The following SLC24A2 variants were observed in gnomAD, a reference collection of about 807,000 sequenced individuals.
The protein encoded by SLC24A2 is sodium/potassium/calcium exchanger 2.
A neutral mutation model predicts 62.0 loss-of-function variants in SLC24A2; 36 were observed. The observed-to-expected ratio is 0.58, with a 90% CI of 0.44 to 0.77. The LOEUF is 0.77. Among genes scored for constraint, SLC24A2 ranks in the 30% least tolerant of loss-of-function variants. The pLI is 0.00. For synonymous variants in SLC24A2, 358 were observed against 294.0 expected (o/e 1.22, Z -2.23); for missense variants, 846 against 817.9 (o/e 1.03, Z -0.42).
the SLC24A2 span, among the ~76,000 whole-genome samples, chr9:20,248,293 C>T: frequency 6.6e-6 from 1 of 152,102 alleles, no homozygotes; most frequent in Non-Finnish European, 1.5e-5. Context: ...GGCTCAAGGC[C>T]CTAACAGGTA....
At chr9:20,027,183 C>T in the SLC24A2 span, among the ~76,000 whole-genome samples, 1 of 151,826 alleles carries the variant, frequency 6.6e-6, no homozygotes, top group African/African-American at 2.4e-5. Flanking sequence ...GAAAAGAGAA[C>T]CCTTGTACAC....
chr9:19,572,173 T>C (rs982346939), intron 7 of SLC24A2, among the ~76,000 whole-genome samples: 32 of 149,064 alleles, frequency 2.1e-4, no homozygotes, highest in Non-Finnish European at 4.4e-5. Context: ...GGCAGGAGAA[T>C]TGCTTGAACC....
the SLC24A2 span, among the ~76,000 whole-genome samples, chr9:20,015,945 T>G: frequency 2.6e-5 from 4 of 152,346 alleles, no homozygotes; most frequent in South Asian, 8.3e-4. Context: ...GGATCACTAC[T>G]AGATTATCCA....
At chr9:19,669,945 G>A (rs1049486550) in intron 2 of SLC24A2, among the ~76,000 whole-genome samples, 21 of 152,218 alleles carry the variant, frequency 1.4e-4, no homozygotes, top group Non-Finnish European at 1.3e-4. Flanking sequence ...CCCCCACATT[G>A]GAGAACATCC....
the SLC24A2 span, among the ~76,000 whole-genome samples, chr9:20,033,591 A>T: frequency 1.3e-5 from 2 of 152,218 alleles, no homozygotes; most frequent in African/African-American, 4.8e-5. Flanking sequence ...GAAATGCATT[A>T]TAATTTACTA....
chr9:20,112,915 C>T, the SLC24A2 span, among the ~76,000 whole-genome samples: 1 of 151,994 alleles, frequency 6.6e-6, no homozygotes, highest in Admixed American at 6.6e-5. Context: ...CTCTGAACGT[C>T]AGACTAACAA....
At chr9:19,769,379 G>A (rs921920018) in intron 2 of SLC24A2, among the ~76,000 whole-genome samples, 2 of 152,216 alleles carry the variant, frequency 1.3e-5, no homozygotes, top group African/African-American at 4.8e-5. Flanking sequence ...ACCAGTGCCT[G>A]AACATGTGGG....
the SLC24A2 span, among the ~76,000 whole-genome samples, chr9:20,008,795 C>T: frequency 6.6e-6 from 1 of 152,154 alleles, no homozygotes; most frequent in Non-Finnish European, 1.5e-5. Context: ...CTCTACTCTA[C>T]CCCACTGGCA....
At chr9:19,742,804 C>T (rs1157432246) in intron 2 of SLC24A2, among the ~76,000 whole-genome samples, 1 of 152,154 alleles carries the variant, frequency 6.6e-6, no homozygotes. Flanking sequence ...TCAGGAATGT[C>T]TCTCACAGGA....
chr9:19,876,532 G>A, the SLC24A2 span, among the ~76,000 whole-genome samples: 1 of 152,064 alleles, frequency 6.6e-6, no homozygotes, highest in African/African-American at 2.4e-5. Flanking sequence ...AAATTGTGTA[G>A]TTAACCCATT....
intron 7 of SLC24A2, among the ~76,000 whole-genome samples, chr9:19,562,762 A>ATTTCT (rs924026967): frequency 1.3e-5 from 2 of 152,128 alleles, no homozygotes; most frequent in African/African-American, 4.8e-5. Flanking sequence ...ACACTAGTGG[A>ATTTCT]TTTCTTTTTT....
At chr9:20,058,394 A>T in the SLC24A2 span, among the ~76,000 whole-genome samples, 1 of 152,134 alleles carries the variant, frequency 6.6e-6, no homozygotes, top group African/African-American at 2.4e-5. Context: ...ACACAGAGGA[A>T]TAAACCCATA....
rs148278649 is a variant in SLC24A2 at position 19,525,823 on chromosome 9, G to C, written c.1569+2226C>G. Among the ~76,000 whole-genome samples, 369 of 144,810 alleles carry C rather than the reference G, an allele frequency of 2.5e-3. 3 individuals carry two copies. The highest frequency in any genetic ancestry group is 9.4e-3 in the African/African-American group (361 of 38,608). On this transcript the variant is annotated intron_variant, in intron 9 of 10. Transcript: ENST00000341998. Reference sequence around the variant, plus strand: ...CTAGTGGTTGTGAAGTGATATCTTGGATTAGTTTCAAACAAGTTTATTGAG... The same window carrying C: ...CTAGTGGTTGTGAAGTGATATCTTGCATTAGTTTCAAACAAGTTTATTGAG...
chr9:20,056,061 T>C, the SLC24A2 span, among the ~76,000 whole-genome samples: 1 of 152,198 alleles, frequency 6.6e-6, no homozygotes, highest in Non-Finnish European at 1.5e-5. Flanking sequence ...TAACATGTTC[T>C]AGAAGACATC....
the SLC24A2 span, among the ~76,000 whole-genome samples, chr9:19,966,683 T>C: frequency 1.3e-5 from 2 of 152,250 alleles, no homozygotes; most frequent in South Asian, 2.1e-4. Flanking sequence ...GAACATTCTA[T>C]AGGGAAAAAT....
the SLC24A2 span, among the ~76,000 whole-genome samples, chr9:19,855,547 A>C: frequency 6.6e-6 from 1 of 152,140 alleles, no homozygotes; most frequent in African/African-American, 2.4e-5. Flanking sequence ...TTCGCTTATG[A>C]AGCTTAGTTT....
the SLC24A2 span, among the ~76,000 whole-genome samples, chr9:19,821,026 G>C: frequency 6.6e-6 from 1 of 152,024 alleles, no homozygotes; most frequent in African/African-American, 2.4e-5. Flanking sequence ...CCTCTGAATG[G>C]CTTTGGCTTG....
At chr9:19,761,163 G>T (rs918780599) in intron 2 of SLC24A2, among the ~76,000 whole-genome samples, 1 of 152,164 alleles carries the variant, frequency 6.6e-6, no homozygotes, top group Non-Finnish European at 1.5e-5. Context: ...ATAATCCTTA[G>T]GGTATGTACC....
At chr9:19,735,255 G>A (rs942266220) in intron 2 of SLC24A2, among the ~76,000 whole-genome samples, 2 of 151,936 alleles carry the variant, frequency 1.3e-5, no homozygotes, top group Non-Finnish European at 2.9e-5. Flanking sequence ...CACATGAAAA[G>A]ACACTCATCA....
Sources: allele counts gnomAD v4.1 joint callset (sites outside exome capture counted in the v4.1 genomes callset), GRCh38; gene constraint gnomAD v4.1.1; transcripts MANE v1.5; gene names NCBI Gene and HGNC (gene_info 2026-07-23, HGNC 2026-07-21).